The following SLC44A5 variants were observed in gnomAD, a reference collection of about 807,000 sequenced individuals.
SLC44A5 encodes solute carrier family 44 member 5, also known as choline transporter-like protein 5.
In SLC44A5, 57 loss-of-function variants were observed where a neutral mutation model predicts 101.8. The ratio of observed to expected loss-of-function variants is 0.56; its 90% CI spans 0.45 to 0.70. The LOEUF (loss-of-function observed/expected upper bound fraction) is 0.70, where lower values mean the gene tolerates loss of function less well. SLC44A5 is among the 30% of genes least tolerant of loss of function. The pLI is 0.00. For missense variants in SLC44A5, 737 were observed against 853.1 expected (o/e 0.86, Z 1.70); for synonymous variants, 281 against 290.9 (o/e 0.97, Z 0.35).
rs1270319707 is a variant in SLC44A5 at position 75,210,868 on chromosome 1, A to AT, written c.2047+599dup. On this transcript the variant is annotated intron_variant, in intron 23 of 23. Transcript: ENST00000370859. ...TTTCTCTAAGCCTTGTTGAGGTATA[A>AT]TTTTTTTATCCAACTTTATTGAGAT... is the stretch of plus-strand genomic sequence containing the variant. Among the ~76,000 whole-genome samples the AT allele has an allele frequency of 4.6e-5, 7 of 152,168 alleles. No homozygotes were observed. The South Asian group carries it at 1.2e-3, about 27-fold the overall frequency.
intron 2 of SLC44A5, among the ~76,000 whole-genome samples, chr1:75,508,732 A>G (rs1333787792): frequency 2.0e-5 from 3 of 151,976 alleles, no homozygotes; most frequent in Non-Finnish European, 2.9e-5. Flanking sequence ...CTATGCAAAC[A>G]AACTAAAAAA....
chr1:75,537,962 A>G (rs1197757078), intron 2 of SLC44A5: 2 of 152,226 alleles, frequency 1.3e-5, no homozygotes, highest in Non-Finnish European at 2.9e-5. Context: ...GATGACAGCT[A>G]ATATACATAC....
chr1:75,264,897 A>C (rs1266482227), intron 6 of SLC44A5, among the ~76,000 whole-genome samples: 1 of 152,154 alleles, frequency 6.6e-6, no homozygotes, highest in Non-Finnish European at 1.5e-5. Flanking sequence ...AAAAAGAGAG[A>C]AGACCCAAAT....
intron 1 of SLC44A5, among the ~76,000 whole-genome samples, chr1:75,573,473 T>C (rs928110144): frequency 5.3e-5 from 8 of 152,340 alleles, no homozygotes; most frequent in African/African-American, 1.9e-4. Flanking sequence ...AATTCTTCTG[T>C]ATTGTTTGAT....
chr1:75,536,060 A>AC, intron 2 of SLC44A5, among the ~76,000 whole-genome samples: 1 of 152,068 alleles, frequency 6.6e-6, no homozygotes, highest in East Asian at 1.9e-4. Flanking sequence ...AAAAAAAAAA[A>AC]AAATCCTTGA....
chr1:75,276,233 C>T (rs1306722396), intron 5 of SLC44A5, among the ~76,000 whole-genome samples: 2 of 152,026 alleles, frequency 1.3e-5, no homozygotes, highest in Non-Finnish European at 2.9e-5. Context: ...TCTCAGCTGC[C>T]GTATCTTCCC....
chr1:75,428,441 T>C (rs568786929), intron 2 of SLC44A5, among the ~76,000 whole-genome samples: 46 of 152,356 alleles, frequency 3.0e-4, no homozygotes, highest in African/African-American at 1.1e-3. Flanking sequence ...TATTAATTTT[T>C]GAATCTCAGA....
At chr1:75,640,769 G>T in the SLC44A5 span, among the ~76,000 whole-genome samples, 1 of 152,050 alleles carries the variant, frequency 6.6e-6, no homozygotes, top group Non-Finnish European at 1.5e-5. Context: ...AGCTTTGCTT[G>T]GTTTGTATTA....
chr1:75,595,894 AG>A (rs1674603454), intron 1 of SLC44A5, among the ~76,000 whole-genome samples: 1 of 152,200 alleles, frequency 6.6e-6, no homozygotes, highest in African/African-American at 2.4e-5. Context: ...AAGCCTTAAA[AG>A]TTCCTGTTAA....
chr1:75,635,667 GA>G, the SLC44A5 span, among the ~76,000 whole-genome samples: 3 of 113,036 alleles, frequency 2.7e-5, no homozygotes, highest in Non-Finnish European at 3.5e-5. Flanking sequence ...GGGGTGGGGG[GA>G]GGGGGGGAGG....
chr1:75,598,201 T>C (rs1674764201), intron 1 of SLC44A5, among the ~76,000 whole-genome samples: 1 of 152,024 alleles, frequency 6.6e-6, no homozygotes, highest in East Asian at 1.9e-4. Context: ...GTATCACTGA[T>C]CATTAGAGAA....
chr1:75,517,515 G>A (rs935231399), intron 2 of SLC44A5, among the ~76,000 whole-genome samples: 7 of 152,018 alleles, frequency 4.6e-5, no homozygotes, highest in East Asian at 1.9e-4. Flanking sequence ...AGCAAAAGGC[G>A]GGAAGAAAAT....
chr1:75,209,074 G>C (rs1021027800), intron 23 of SLC44A5, among the ~76,000 whole-genome samples: 3 of 152,114 alleles, frequency 2.0e-5, no homozygotes, highest in African/African-American at 7.2e-5. Flanking sequence ...AAGTTTCCTT[G>C]TTCTTTGTTA....
At chr1:75,272,175 T>A (rs1651532450) in intron 6 of SLC44A5, among the ~76,000 whole-genome samples, 1 of 152,164 alleles carries the variant, frequency 6.6e-6, no homozygotes, top group African/African-American at 2.4e-5. Context: ...GTATTTTTCT[T>A]GCTGATTTGT....
At chr1:75,694,542 G>A in the SLC44A5 span, among the ~76,000 whole-genome samples, 2 of 151,950 alleles carry the variant, frequency 1.3e-5, no homozygotes, top group African/African-American at 4.8e-5. Context: ...CAAGAATACT[G>A]TGTTTTTTCA....
the SLC44A5 span, among the ~76,000 whole-genome samples, chr1:75,701,278 T>C: frequency 6.6e-6 from 1 of 152,126 alleles, no homozygotes. Context: ...GCAAACCAAA[T>C]CCAGCAGCAC....
the SLC44A5 span, among the ~76,000 whole-genome samples, chr1:75,680,237 G>C: frequency 6.6e-6 from 1 of 151,482 alleles, no homozygotes; most frequent in African/African-American, 2.4e-5. Flanking sequence ...CCCAGGAATT[G>C]AACTCAGCTC....
intron 6 of SLC44A5, among the ~76,000 whole-genome samples, chr1:75,262,622 A>G (rs919048014): frequency 2.0e-5 from 3 of 152,206 alleles, no homozygotes; most frequent in Non-Finnish European, 4.4e-5. Flanking sequence ...ATAGAATTGG[A>G]AAAAACTACT....
At chr1:75,372,718 C>T (rs969439064) in intron 3 of SLC44A5, among the ~76,000 whole-genome samples, 1 of 152,112 alleles carries the variant, frequency 6.6e-6, no homozygotes, top group African/African-American at 2.4e-5. Context: ...GTAATGTTTA[C>T]TGACCAAAAA....
Sources: gnomAD v4.1 joint callset for allele counts (sites outside exome capture counted in the v4.1 genomes callset) on GRCh38, gnomAD v4.1.1 for gene constraint, MANE v1.5 for transcripts, NCBI Gene and HGNC (gene_info 2026-07-23, HGNC 2026-07-21) for gene names.